CAMK1D: variants seen among roughly 807,000 people sequenced by gnomAD.
The protein encoded by CAMK1D is calcium/calmodulin dependent protein kinase ID, also known as calcium/calmodulin-dependent protein kinase type 1D.
A neutral mutation model predicts 47.7 loss-of-function variants in CAMK1D; 9 were observed. That is an observed-to-expected ratio of 0.19 (90% confidence interval 0.11 to 0.33). The LOEUF (loss-of-function observed/expected upper bound fraction) is 0.33. Ranked by LOEUF, CAMK1D falls within the 10% of genes least tolerant of loss-of-function variation. The pLI is 1.00. For synonymous variants in CAMK1D, 184 were observed against 184.9 expected (o/e 0.99, Z 0.04); for missense variants, 291 against 488.7 (o/e 0.60, Z 3.81).
At chr10:12,695,066 A>AGGTAGATT (rs58711322) in intron 3 of CAMK1D, among the ~76,000 whole-genome samples, 9 of 139,510 alleles carry the variant, frequency 6.5e-5, no homozygotes, top group Non-Finnish European at 9.8e-5. Context: ...ATAGATAGAT[A>AGGTAGATT]CATAGGTAGA....
chr10:12,455,417 G>T (rs889416197), intron 1 of CAMK1D, among the ~76,000 whole-genome samples: 1 of 152,098 alleles, frequency 6.6e-6, no homozygotes, highest in African/African-American at 2.4e-5. Flanking sequence ...CAAGCAGTTC[G>T]CCCGCCTTGG....
At chr10:12,818,152 C>G (rs1454676361) in intron 8 of CAMK1D, among the ~76,000 whole-genome samples, 6 of 152,312 alleles carry the variant, frequency 3.9e-5, no homozygotes, top group African/African-American at 1.4e-4. Flanking sequence ...CCCCGCCATC[C>G]TCTGTAGCAT....
chr10:12,623,948 G>A (rs11818199), intron 2 of CAMK1D, among the ~76,000 whole-genome samples: 4,906 of 152,030 alleles, frequency 0.032, 207 homozygotes, highest in African/African-American at 0.1. Flanking sequence ...GCATAGTGGC[G>A]TGTACCTGTA....
intron 6 of CAMK1D, among the ~76,000 whole-genome samples, chr10:12,792,268 T>C (rs1214609002): frequency 6.8e-6 from 1 of 147,276 alleles, no homozygotes; most frequent in Non-Finnish European, 1.5e-5. Context: ...CTTGTTGCAG[T>C]TATTTCAGGA....
At chr10:12,496,607 T>C (rs1364837256) in intron 1 of CAMK1D, among the ~76,000 whole-genome samples, 3 of 152,216 alleles carry the variant, frequency 2.0e-5, no homozygotes, top group Non-Finnish European at 4.4e-5. Flanking sequence ...CCAGAGACCT[T>C]ATGCCCTAGA....
At chr10:12,610,428 C>T (rs768452987) in intron 2 of CAMK1D, among the ~76,000 whole-genome samples, 1 of 152,192 alleles carries the variant, frequency 6.6e-6, no homozygotes, top group South Asian at 2.1e-4. Flanking sequence ...GCTGTCTCCT[C>T]CCCCTTCTCA....
intron 1 of CAMK1D, among the ~76,000 whole-genome samples, chr10:12,404,088 C>G (rs999107251): frequency 6.6e-6 from 1 of 151,736 alleles, no homozygotes; most frequent in Non-Finnish European, 1.5e-5. Context: ...TCTTGTTGCC[C>G]CAGCTGGAGT....
At chr10:12,611,588 C>T (rs1481552167) in intron 2 of CAMK1D, among the ~76,000 whole-genome samples, 1 of 59,950 alleles carries the variant, frequency 1.7e-5, no homozygotes, top group Admixed American at 3.3e-4. Flanking sequence ...TTCAGAATGC[C>T]TTTTTTTTTT....
At chr10:12,823,062 C>T (rs991117626) in intron 8 of CAMK1D, among the ~76,000 whole-genome samples, 5 of 152,170 alleles carry the variant, frequency 3.3e-5, no homozygotes, top group Admixed American at 2.6e-4. Flanking sequence ...AATTTTATAT[C>T]GACTCTGTCC....
intron 10 of CAMK1D, among the ~76,000 whole-genome samples, chr10:12,828,498 C>A (rs945237694): frequency 2.0e-5 from 3 of 152,110 alleles, no homozygotes; most frequent in East Asian, 3.9e-4. Flanking sequence ...AAAATTAGCC[C>A]GGCGTGGTGG....
At chr10:12,545,459 A>G in intron 1 of CAMK1D, among the ~76,000 whole-genome samples, 2 of 148,150 alleles carry the variant, frequency 1.3e-5, no homozygotes, top group African/African-American at 2.5e-5. Flanking sequence ...ACAGTAAAAA[A>G]AAAAAAAAAA....
chr10:12,358,992 G>T (rs1837587652), intron 1 of CAMK1D, among the ~76,000 whole-genome samples: 1 of 152,096 alleles, frequency 6.6e-6, no homozygotes, highest in Non-Finnish European at 1.5e-5. Flanking sequence ...AAAATTTATG[G>T]TTTCAGCAAT....
intron 1 of CAMK1D, among the ~76,000 whole-genome samples, chr10:12,411,520 C>T (rs888743767): frequency 1.2e-4 from 18 of 150,504 alleles, no homozygotes; most frequent in South Asian, 6.3e-4. Context: ...TGCCCTGTGC[C>T]GATGGAAAAA....
At chr10:12,565,752 A>G (rs1228450971) in intron 2 of CAMK1D, among the ~76,000 whole-genome samples, 2 of 152,098 alleles carry the variant, frequency 1.3e-5, no homozygotes, top group Non-Finnish European at 2.9e-5. Context: ...TATTTAAGAC[A>G]TTTTTAGGGG....
intron 1 of CAMK1D, among the ~76,000 whole-genome samples, chr10:12,449,633 A>G (rs995034570): frequency 6.0e-5 from 9 of 151,022 alleles, no homozygotes; most frequent in African/African-American, 2.0e-4. Flanking sequence ...CGATGTATAC[A>G]TATATCAAAA....
chr10:12,404,693 T>A (rs907363290), intron 1 of CAMK1D, among the ~76,000 whole-genome samples: 10 of 145,870 alleles, frequency 6.9e-5, no homozygotes, highest in Non-Finnish European at 1.1e-4. Context: ...ACTGTGTTTT[T>A]AAAAATTTTT....
rs570403906 is a variant in CAMK1D at position 12,712,175 on chromosome 10, C to T, written c.299+45365C>T. Among the ~76,000 whole-genome samples, 286 of 152,312 alleles carry T rather than the reference C, an allele frequency of 1.9e-3. 2 individuals are homozygous for T. The highest frequency in any genetic ancestry group is 3.6e-3 in the Non-Finnish European group (243 of 68,020). On this transcript the variant is annotated intron_variant, in intron 3 of 10. Coordinates refer to ENST00000619168, the MANE Select transcript of CAMK1D (RefSeq NM_153498.4). ...GAACTTCACCAAGAAGCTTGAGGGC[C>T]ACCCTAAGGGAAGCTCCGCTCTCCT...
intron 1 of CAMK1D, among the ~76,000 whole-genome samples, chr10:12,520,548 A>G (rs865797568): frequency 0.013 from 676 of 51,290 alleles, 26 homozygotes; most frequent in African/African-American, 0.052. Context: ...AGAGGCTGCA[A>G]TCTCGGCTCT....
intron 1 of CAMK1D, among the ~76,000 whole-genome samples, chr10:12,419,809 AG>A (rs1443722436): frequency 6.6e-6 from 1 of 152,216 alleles, no homozygotes; most frequent in Non-Finnish European, 1.5e-5. Flanking sequence ...TTACCACAGT[AG>A]CTTTTCCACC....
Sources: gnomAD v4.1 joint callset for allele counts (sites outside exome capture counted in the v4.1 genomes callset) on GRCh38, gnomAD v4.1.1 for gene constraint, MANE v1.5 for transcripts, NCBI Gene and HGNC (gene_info 2026-07-23, HGNC 2026-07-21) for gene names.